Variants in ITPR3 observed in about 807,000 individuals in gnomAD.
The protein encoded by ITPR3 is inositol 1,4,5-trisphosphate receptor type 3, also known as inositol 1,4,5-trisphosphate-gated calcium channel ITPR3.
A neutral mutation model predicts 293.2 loss-of-function variants in ITPR3; 173 were observed. The observed-to-expected ratio is 0.59, with a 90% CI of 0.52 to 0.67. ITPR3 has a LOEUF of 0.67. Ranked by LOEUF, ITPR3 falls within the 30% of genes least tolerant of loss-of-function variation. The probability of loss-of-function intolerance (pLI) is 0.00; values close to 1 mark genes in which losing one functional copy is unlikely to be tolerated. For synonymous variants in ITPR3, 1,295 were observed against 1,444.4 expected (o/e 0.90, Z 2.35); for missense variants, 2,796 against 3,592.1 (o/e 0.78, Z 5.66).
chr6:33,681,984 C>A (rs1765089775), intron 33 of ITPR3, among the ~76,000 whole-genome samples: 1 of 152,038 alleles, frequency 6.6e-6, no homozygotes, highest in African/African-American at 2.4e-5. Context: ...CAGGTTCAAG[C>A]AATTCTCCAG....
At position 33,664,888 on chromosome 6, in the gene ITPR3, G is replaced by T; in HGVS notation, c.1167G>T (p.Leu389=). The T allele has an allele frequency of 6.2e-7, 1 of 1,613,844 alleles. No individual in the cohort carries two copies. Among genetic ancestry groups the T allele is most frequent in the Non-Finnish European group, 8.5e-7 (1 of 1,179,998 alleles). The change falls in exon 12 of 58, where the codon CTG becomes CTT. Residue 389 remains leucine (L), a synonymous_variant. Coordinates refer to ENST00000605930, the MANE Select transcript of ITPR3 (RefSeq NM_002224.4). The surrounding 1 kb of genome is among the most constrained non-coding windows in gnomAD (Gnocchi z 4.4). ...CCTGCAGGAACTCGTACGTCCGGCT[G>T]CGGCACCTCTGCACCAACACGTGGA... ...SFVPRNSYVR[L]RHLCTNTWIQ... is the part of the protein sequence containing the mutation.
chr6:33,646,735 T>G (rs1185465046), intron 2 of ITPR3, among the ~76,000 whole-genome samples: 1 of 151,992 alleles, frequency 6.6e-6, no homozygotes, highest in Non-Finnish European at 1.5e-5. Flanking sequence ...CTGGGCAACA[T>G]GGCGAAACCC....
chr6:33,665,615 G>A (rs1378860853), intron 13 of ITPR3, among the ~76,000 whole-genome samples: 2 of 151,980 alleles, frequency 1.3e-5, no homozygotes, highest in Non-Finnish European at 2.9e-5. Flanking sequence ...TCTGTGTCTT[G>A]GGGCCACTTT....
At chr6:33,693,029 C>A in intron 55 of ITPR3, 136 bp downstream of exon 55, 1 of 832,880 alleles carries the variant, frequency 1.2e-6, no homozygotes, top group Non-Finnish European at 1.9e-6. Context: ...ATTTGCTCAT[C>A]CCAGAACTGG....
At position 33,667,945 on chromosome 6, in the gene ITPR3, C is replaced by T. The variant is rs1260271779; in HGVS notation, c.1867C>T (p.Arg623Cys). ...TEVETFVSLVRKNREPRFLDY... is the reference protein window; with the variant it reads ...TEVETFVSLVCKNREPRFLDY... ...GGTGGAGACCTTCGTCAGCCTTGTG[C>T]GCAAGAACCGGGAGCCCAGGTGGGC... The change falls in exon 16 of 58, where the codon CGC (arginine) becomes TGC (cysteine). Residue 623 changes from arginine to cysteine, a missense_variant. This residue lies in a region of ITPR3 where 955 missense variants were observed against 1,180.8 expected (regional missense o/e 0.81). Coordinates refer to ENST00000605930, the MANE Select transcript of ITPR3 (RefSeq NM_002224.4). This position sits in a 1 kb window ranked among gnomAD's most constrained non-coding sequence, Gnocchi z 4.4. The T allele has an allele frequency of 3.7e-6, 6 of 1,614,070 alleles. No individual in the cohort carries two copies. The highest frequency in any genetic ancestry group is 2.2e-5 in the East Asian group (1 of 44,894).
chr6:33,668,785 G>T, intron 17 of ITPR3, 151 bp downstream of exon 17: 1 of 1,350,896 alleles, frequency 7.4e-7, no homozygotes, highest in Non-Finnish European at 1.0e-6. Flanking sequence ...CCCGCTGTGT[G>T]CCTGGCACTG....
chr6:33,651,085 G>A (rs1764176796), intron 2 of ITPR3, among the ~76,000 whole-genome samples: 1 of 151,676 alleles, frequency 6.6e-6, no homozygotes. Flanking sequence ...GACCATCCTG[G>A]CTAACATGGT....
At chr6:33,668,917 G>A (rs1168642810) in intron 17 of ITPR3, 57 bp from the exon 18 acceptor site, 11 of 1,558,150 alleles carry the variant, frequency 7.1e-6, no homozygotes, top group Non-Finnish European at 9.6e-6. Context: ...TCAGGGAGGG[G>A]TCCAGGCGTA....
rs1278202739 is a variant in ITPR3 at position 33,688,220 on chromosome 6, A to G, written c.6376-19A>G. On this transcript the variant is annotated intron_variant, in intron 47 of 57. Coordinates refer to ENST00000605930, the MANE Select transcript of ITPR3 (RefSeq NM_002224.4). ...GTGGGAGCCTGCGCCGGGCGTGACC[A>G]TGTGCTGTGTGTGCTCAGATTGTGC... 4 of 1,614,122 alleles carry G rather than the reference A, an allele frequency of 2.5e-6. No homozygotes were observed. Among genetic ancestry groups the G allele is most frequent in the South Asian group, 2.2e-5 (2 of 91,078 alleles).
chr6:33,631,029 G>C (rs1246082282), intron 1 of ITPR3, among the ~76,000 whole-genome samples: 1 of 152,200 alleles, frequency 6.6e-6, no homozygotes, highest in Admixed American at 6.5e-5. Flanking sequence ...GTGTGACTTT[G>C]GCTATCTGGA....
chr6:33,685,795 C>A lies in ITPR3; in HGVS notation c.5635C>A (p.Leu1879Met). Residue 1879 changes from leucine to methionine, a missense_variant, in exon 41 of 58, where the codon CTG (leucine) becomes ATG (methionine). Transcript: ENST00000605930. ...IMQPILRFLQ[L>M]LCENHNRDLQ... The stretch of plus-strand genomic sequence containing the variant: ...GCAGCCCATCCTGCGCTTTCTGCAG[C>A]TGCTGTGTGAGAACCACAACCGGGA... 1 of 1,583,416 alleles carries A rather than the reference C, an allele frequency of 6.3e-7. No homozygotes were observed. The highest frequency in any genetic ancestry group is 8.6e-7 in the Non-Finnish European group (1 of 1,161,882).
intron 1 of ITPR3, among the ~76,000 whole-genome samples, chr6:33,631,718 A>G (rs9469531): frequency 0.029 from 4,441 of 152,202 alleles, 80 homozygotes; most frequent in African/African-American, 0.033. Flanking sequence ...AGTGTTCCCC[A>G]ACTCTTCCAA....
At chr6:33,677,205 C>A in intron 27 of ITPR3, 116 bp downstream of exon 27, 1 of 956,294 alleles carries the variant, frequency 1.0e-6, no homozygotes, top group Non-Finnish European at 1.6e-6. Flanking sequence ...TCACAAGAGA[C>A]ATCTTTCAGC....
chr6:33,669,154 C>T lies in ITPR3; in HGVS notation c.2187C>T (p.Tyr729=). ...NAHDENVLSY[Y]RYQLKLFARM... ...ACGACGAGAATGTGCTCAGCTACTA[C>T]AGGTGCCCCGCCCCAGCTCCTCCCC... The change falls in exon 18 of 58, where the codon TAC becomes TAT. Residue 729 remains tyrosine (Y), a splice_region_variant and synonymous_variant. Transcript: ENST00000605930. 2.5e-6 allele frequency: 4 copies of T among 1,612,912 alleles called. No individual in the cohort carries two copies. The highest frequency in any genetic ancestry group is 1.1e-5 in the South Asian group (1 of 90,952).
intron 1 of ITPR3, among the ~76,000 whole-genome samples, chr6:33,625,231 CTCT>C (rs1006631822): frequency 6.6e-6 from 1 of 151,850 alleles, no homozygotes; most frequent in African/African-American, 2.4e-5. Context: ...TCTTGAAGAT[CTCT>C]TTTTTTTTTT....
Position 33,633,776 on chromosome 6 carries a change from C to CCGGGGT in ITPR3, c.90-6705_90-6704insGGTCGG, listed in dbSNP as rs1176213918. 7.0e-6 allele frequency among the ~76,000 whole-genome samples: 1 copy of CCGGGGT among 142,114 alleles called. No individual in the cohort carries two copies. 93.2% of individuals were successfully genotyped at this position (142,114 alleles called of 152,430 possible). A position where few individuals can be genotyped will look rare whatever the true frequency, so the allele number is the denominator to read the frequency against. On this transcript the variant is annotated intron_variant, in intron 1 of 57. Coordinates refer to ENST00000605930, the MANE Select transcript of ITPR3 (RefSeq NM_002224.4). The surrounding 1 kb of genome is among the most constrained non-coding windows in gnomAD (Gnocchi z 5.2). The stretch of plus-strand genomic sequence containing the variant: ...GGCGGGGGCGGGGCCGGGGCCGGGG[C>CCGGGGT]CGGACGCCCGGAGCTCGCGGGCCGG...
chr6:33,683,080 G>A lies in ITPR3; in HGVS notation c.4598-127G>A. ...CTCAAGCATAGGCCGGGGTGGGGGGGGTCTCTGTCTCCCAGACCCTTGGTC... is the reference window on the plus strand; with the variant it reads ...CTCAAGCATAGGCCGGGGTGGGGGGAGTCTCTGTCTCCCAGACCCTTGGTC... On this transcript the variant is annotated intron_variant, in intron 34 of 57. Coordinates refer to ENST00000605930, the MANE Select transcript of ITPR3 (RefSeq NM_002224.4). This position sits in a 1 kb window ranked among gnomAD's most constrained non-coding sequence, Gnocchi z 4.5. 1.6e-6 allele frequency: 1 copy of A among 639,178 alleles called. No individual in the cohort carries two copies. The highest frequency in any genetic ancestry group is 2.5e-6 in the Non-Finnish European group (1 of 404,702). The allele number at this position is 639,178 out of a possible 1,614,324, so 39.6% of individuals were successfully genotyped here. A position where few individuals can be genotyped will look rare whatever the true frequency, so the allele number is the denominator to read the frequency against.
intron 48 of ITPR3, 97 bp downstream of exon 48, chr6:33,688,528 C>T (rs1290612948): frequency 2.2e-5 from 33 of 1,508,618 alleles, no homozygotes; most frequent in Non-Finnish European, 2.8e-5. Flanking sequence ...TGCCCTGCGC[C>T]CAACCCCGCC....
chr6:33,670,502 C>G lies in ITPR3; in HGVS notation c.2367C>G (p.Asp789Glu). ...HLMLHVHVDR[D>E]PQELVTPVKF... ...TGCTGCACGTGCACGTGGACCGTGA[C>G]CCCCAGGAGCTGGTCACGCCGGTCA... The change falls in exon 19 of 58, where the codon GAC (aspartate) becomes GAG (glutamate). Residue 789 changes from aspartate (D) to glutamate (E), a missense_variant. Coordinates refer to ENST00000605930, the MANE Select transcript of ITPR3 (RefSeq NM_002224.4). This position sits in a 1 kb window ranked among gnomAD's most constrained non-coding sequence, Gnocchi z 6.7. 6.2e-7 allele frequency: 1 copy of G among 1,613,954 alleles called. No individual in the cohort carries two copies. Among genetic ancestry groups the G allele is most frequent in the Non-Finnish European group, 8.5e-7 (1 of 1,180,028 alleles).
Sources: allele counts gnomAD v4.1 joint callset (sites outside exome capture counted in the v4.1 genomes callset), GRCh38; gene constraint gnomAD v4.1.1; regional missense constraint gnomAD v4.1.1; non-coding constraint Gnocchi (gnomAD v3.1); transcripts MANE v1.5; gene names NCBI Gene and HGNC (gene_info 2026-07-23, HGNC 2026-07-21).